LRIG1: variants seen among roughly 807,000 people sequenced by gnomAD.
LRIG1 encodes the protein leucine rich repeats and immunoglobulin like domains 1, also known as leucine-rich repeats and immunoglobulin-like domains protein 1.
Under a neutral mutation model 99.2 loss-of-function variants are expected in LRIG1, and 48 were observed. The ratio of observed to expected loss-of-function variants is 0.48; its 90% CI spans 0.38 to 0.62. The LOEUF (loss-of-function observed/expected upper bound fraction) is 0.62, where lower values mean the gene tolerates loss of function less well. LRIG1 is among the 20% of genes least tolerant of loss of function. The pLI is 0.00. For synonymous variants in LRIG1, 772 were observed against 596.1 expected, an observed-to-expected ratio of 1.29 and a Z score of -4.30; for missense variants, 1,646 against 1,434.4, an observed-to-expected ratio of 1.15 and a Z score of -2.38.
In LRIG1 at chr3:66,380,483, G is replaced by GGATT; in HGVS notation, c.3061_3062insAATC (p.Ser1021Ter). On this transcript the variant is annotated stop_gained and frameshift_variant, in exon 19 of 19. Transcript: ENST00000273261. LOFTEE classifies it low-confidence loss of function (END_TRUNC). ...ATACAACCTTGCTAAAGTCCAGGAAGAATCCCCTACAAGGAAAGAACGAAC... is the reference window on the plus strand; with the variant it reads ...ATACAACCTTGCTAAAGTCCAGGAAGGATTAATCCCCTACAAGGAAAGAACGAAC... 1 of 1,614,148 alleles carries GGATT rather than the reference G, an allele frequency of 6.2e-7. No individual in the cohort carries two copies. The highest frequency in any genetic ancestry group is 8.5e-7 in the Non-Finnish European group (1 of 1,180,004).
At chr3:66,461,034 G>A (rs1700343443) in intron 2 of LRIG1, among the ~76,000 whole-genome samples, 1 of 152,194 alleles carries the variant, frequency 6.6e-6, no homozygotes, top group Admixed American at 6.5e-5. Context: ...AGTAAGCCTG[G>A]GTGCAATGGC....
intron 9 of LRIG1, among the ~76,000 whole-genome samples, chr3:66,401,086 G>A (rs1195848221): frequency 6.6e-6 from 1 of 152,240 alleles, no homozygotes; most frequent in Non-Finnish European, 1.5e-5. Context: ...TCCGGACGGT[G>A]AAGGGGCAAA....
chr3:66,497,086 C>G (rs916106023), intron 1 of LRIG1, among the ~76,000 whole-genome samples: 1 of 152,168 alleles, frequency 6.6e-6, no homozygotes. Context: ...TTAGGATAAC[C>G]ACACTTGGTA....
At chr3:66,499,318 A>C (rs549985093) in intron 1 of LRIG1, among the ~76,000 whole-genome samples, 19 of 152,324 alleles carry the variant, frequency 1.2e-4, no homozygotes, top group African/African-American at 4.6e-4. Context: ...CGGGTGAAAC[A>C]AACAGCTTAA....
chr3:66,448,117 A>G (rs1002818758), intron 3 of LRIG1, among the ~76,000 whole-genome samples: 3 of 152,228 alleles, frequency 2.0e-5, no homozygotes, highest in Admixed American at 1.3e-4. Context: ...TCTTTGACAA[A>G]TATGTTAACT....
chr3:66,382,914 G>A lies in LRIG1; in HGVS notation c.2491+68C>T, dbSNP rs561630178. On this transcript the variant is annotated intron_variant, in intron 15 of 18. Coordinates refer to ENST00000273261, the MANE Select transcript of LRIG1 (RefSeq NM_015541.3). ...ATTCTTTCAAAAGCCACTGGAACCC[G>A]GCCCAGTTCCCCAGCATCACTGCCA... is the stretch of plus-strand genomic sequence containing the variant. 3.0e-5 allele frequency: 44 copies of A among 1,450,016 alleles called. No homozygotes were observed. The South Asian group carries it at 4.0e-4, about 13-fold the overall frequency. The allele number at this position is 1,450,016 out of a possible 1,614,324, so 89.8% of individuals were successfully genotyped here.
intron 12 of LRIG1, among the ~76,000 whole-genome samples, chr3:66,393,747 G>A (rs1480485515): frequency 6.6e-6 from 1 of 152,180 alleles, no homozygotes. Context: ...GGGCACCAGA[G>A]CCCTTCTGAA....
At chr3:66,407,537 C>T (rs1303547328) in intron 7 of LRIG1, 46 bp from the exon 8 acceptor site, 5 of 1,601,808 alleles carry the variant, frequency 3.1e-6, no homozygotes, top group African/African-American at 2.7e-5. Context: ...TGTGGTTGCC[C>T]CCCAACCCCA....
chr3:66,482,592 A>G (rs558487854), intron 1 of LRIG1, among the ~76,000 whole-genome samples: 10 of 152,316 alleles, frequency 6.6e-5, no homozygotes, highest in Middle Eastern at 3.4e-3. Context: ...TCTTTCTCAG[A>G]GGCAGTGGTA....
Position 66,380,180 on chromosome 3 carries a change from G to C in LRIG1, c.*83C>G. The C allele has an allele frequency of 1.7e-6, 2 of 1,146,312 alleles. No individual in the cohort carries two copies. The highest frequency in any genetic ancestry group is 1.5e-5 in the South Asian group (1 of 66,328). 71.0% of individuals were successfully genotyped at this position (1,146,312 alleles called of 1,614,324 possible). A position where few individuals can be genotyped will look rare whatever the true frequency, so the allele number is the denominator to read the frequency against. ...TTACAACTATGTACAGATGAGTGAC[G>C]CTTGAACCCAAGCTTCCTCGCAGCC... On this transcript the variant is annotated 3_prime_UTR_variant, in exon 19 of 19. Coordinates refer to ENST00000273261, the MANE Select transcript of LRIG1 (RefSeq NM_015541.3).
chr3:66,401,698 G>C (rs941195698), intron 9 of LRIG1: 2 of 1,515,002 alleles, frequency 1.3e-6, no homozygotes, highest in Admixed American at 2.0e-5. Context: ...CAGGAGAAAG[G>C]AGAGGCGGGA....
chr3:66,382,920 G>A, intron 15 of LRIG1, 62 bp downstream of exon 15: 3 of 1,494,448 alleles, frequency 2.0e-6, no homozygotes, highest in Non-Finnish European at 9.1e-7. Context: ...ACCCGGCCCA[G>A]TTCCCCAGCA....
In LRIG1 at chr3:66,380,469, C is replaced by G. The variant is rs753893792; in HGVS notation, c.3076G>C (p.Ala1026Pro). The G allele has an allele frequency of 3.7e-6, 6 of 1,614,142 alleles. No individual in the cohort carries two copies. In the South Asian group the frequency reaches 6.6e-5, roughly 18 times the overall value. Residue 1026 changes from alanine to proline, a missense_variant, in exon 19 of 19, where the codon GCA becomes CCA. Physicochemically the swap from Ala to Pro is conservative, Grantham distance 27. Coordinates refer to ENST00000273261, the MANE Select transcript of LRIG1 (RefSeq NM_015541.3). ...DGKGDSSWTL[A>P]RLYHPDSTEL... Reference sequence around the variant, plus strand: ...GTGGAGTCCGGGTGATACAACCTTGCTAAAGTCCAGGAAGAATCCCCTACA... The same window carrying G: ...GTGGAGTCCGGGTGATACAACCTTGGTAAAGTCCAGGAAGAATCCCCTACA...
At position 66,383,220 on chromosome 3, in the gene LRIG1, C is replaced by T; in HGVS notation, c.2253G>A (p.Gln751=). ...LTPDNQLLVV[Q]NVVAEDAGRY... Reference sequence around the variant, plus strand: ...GGCCCGCATCCTCTGCCACCACGTTCTGAACCACCAGGAGCTGGTTGTCAG... The same window carrying T: ...GGCCCGCATCCTCTGCCACCACGTTTTGAACCACCAGGAGCTGGTTGTCAG... Residue 751 remains glutamine, a synonymous_variant, in exon 15 of 19, where the codon CAG becomes CAA. Transcript: ENST00000273261. 1.2e-6 allele frequency: 2 copies of T among 1,614,244 alleles called. No homozygotes were observed. Among genetic ancestry groups the T allele is most frequent in the Non-Finnish European group, 1.7e-6 (2 of 1,180,046 alleles).
chr3:66,456,777 T>C (rs1166110913), intron 2 of LRIG1, among the ~76,000 whole-genome samples: 1 of 152,136 alleles, frequency 6.6e-6, no homozygotes, highest in Non-Finnish European at 1.5e-5. Flanking sequence ...ACTTGAGGCT[T>C]CCTTACCAGG....
At chr3:66,420,836 G>A (rs1174144011) in intron 3 of LRIG1, among the ~76,000 whole-genome samples, 3 of 152,178 alleles carry the variant, frequency 2.0e-5, no homozygotes, top group Non-Finnish European at 4.4e-5. Flanking sequence ...CCATTTTCAT[G>A]CTGCTGATAA....
In LRIG1 at chr3:66,384,105, C is replaced by G; in HGVS notation, c.1957G>C (p.Asp653His). 1 of 1,614,210 alleles carries G rather than the reference C, an allele frequency of 6.2e-7. No individual in the cohort carries two copies. The highest frequency in any genetic ancestry group is 8.5e-7 in the Non-Finnish European group (1 of 1,180,046). The change falls in exon 14 of 19, where the codon GAT becomes CAT. Residue 653 changes from aspartate to histidine, a missense_variant. Coordinates refer to ENST00000273261, the MANE Select transcript of LRIG1 (RefSeq NM_015541.3). ...ARERRMHVMP[D>H]DDVFFITDVK... ...TCAGTGATGAAAAACACGTCGTCAT[C>G]CGGCATGACATGCATGCGTCGCTCA...
At chr3:66,481,081 T>C (rs1022897984) in intron 1 of LRIG1, among the ~76,000 whole-genome samples, 8 of 152,054 alleles carry the variant, frequency 5.3e-5, no homozygotes, top group African/African-American at 1.9e-4. Flanking sequence ...TGGCCAACGG[T>C]CCCCCTGCCC....
At chr3:66,486,083 A>G (rs1700967619) in intron 1 of LRIG1, among the ~76,000 whole-genome samples, 1 of 152,218 alleles carries the variant, frequency 6.6e-6, no homozygotes, top group Non-Finnish European at 1.5e-5. Flanking sequence ...TACAACAGAG[A>G]CAATATTTTT....
Sources: allele counts gnomAD v4.1 joint callset (sites outside exome capture counted in the v4.1 genomes callset), GRCh38; gene constraint gnomAD v4.1.1; transcripts MANE v1.5; gene names NCBI Gene and HGNC (gene_info 2026-07-23, HGNC 2026-07-21).